Variants in ITGAD observed in about 807,000 individuals in gnomAD.
ITGAD encodes integrin alpha-D.
In ITGAD, 105 loss-of-function variants were observed where a neutral mutation model predicts 139.0. The observed-to-expected ratio is 0.76, with a 90% CI of 0.65 to 0.89. ITGAD has a LOEUF of 0.89. ITGAD is among the 40% of genes least tolerant of loss of function. The pLI, the probability that ITGAD is intolerant of heterozygous loss-of-function variation, is 0.00. For missense variants in ITGAD, 1,384 were observed against 1,487.3 expected (o/e 0.93, Z 1.14); for synonymous variants, 569 against 598.3 (o/e 0.95, Z 0.71).
At position 31,412,940 on chromosome 16, in the gene ITGAD, G is replaced by T. The variant is rs2078528824; in HGVS notation, c.1810G>T (p.Gly604Trp). Residue 604 changes from glycine (G) to tryptophan (W), a missense_variant, in exon 15 of 30, where the codon GGG (glycine) becomes TGG (tryptophan). Physicochemically the swap from Gly to Trp is radical, Grantham distance 184. Coordinates refer to ENST00000389202, the MANE Select transcript of ITGAD (RefSeq NM_005353.3). ...GGATGGACTGATGGACCTGGCCGTG[G>T]GGGCCCGGGGCCAGGTGCTCCTGCT... The part of the protein sequence containing the change: ...TQDGLMDLAV[G>W]ARGQVLLLRS... 1 of 1,610,202 alleles carries T rather than the reference G, an allele frequency of 6.2e-7. No homozygotes were observed. The highest frequency in any genetic ancestry group is 8.5e-7 in the Non-Finnish European group (1 of 1,178,252).
Position 31,400,723 on chromosome 16 carries a change from G to C in ITGAD, c.428-1392G>C, listed in dbSNP as rs542769912. On this transcript the variant is annotated intron_variant, in intron 5 of 29. Transcript: ENST00000389202. Reference sequence around the variant, plus strand: ...AGGTTCAAGTGATTCTCCTGCCTCAGCCCCCCAAATAGCTAGGATTACAGG... The same window carrying C: ...AGGTTCAAGTGATTCTCCTGCCTCACCCCCCCAAATAGCTAGGATTACAGG... Among the ~76,000 whole-genome samples the C allele has an allele frequency of 3.3e-5, 5 of 152,176 alleles. No homozygotes were observed. In the East Asian group the frequency reaches 9.7e-4, roughly 29 times the overall value.
chr16:31,413,160 G>C lies in ITGAD; in HGVS notation c.1910G>C (p.Arg637Pro), dbSNP rs372963248. The change falls in exon 16 of 30, where the codon CGG (arginine) becomes CCG (proline). Residue 637 changes from arginine to proline, a missense_variant. By Grantham distance (103) the Arg-to-Pro change is moderately radical. Coordinates refer to ENST00000389202, the MANE Select transcript of ITGAD (RefSeq NM_005353.3). ...SPVEVAKAVY[R>P]CWEEKPSALE... The stretch of plus-strand genomic sequence containing the variant: ...GTGGAGGTGGCCAAGGCTGTGTACC[G>C]GTGCTGGGAAGAGAAGCCCAGTGCC... 1.9e-6 allele frequency: 3 copies of C among 1,614,180 alleles called. No homozygotes were observed. Among genetic ancestry groups the C allele is most frequent in the Admixed American group, 1.7e-5 (1 of 60,030 alleles).
At chr16:31,416,326 C>T (rs1026242284) in intron 19 of ITGAD, 40 bp downstream of exon 19, 1 of 1,554,118 alleles carries the variant, frequency 6.4e-7, no homozygotes, top group South Asian at 1.1e-5. Flanking sequence ...ACTCAGGCTT[C>T]TGAGTCCCCC....
At position 31,407,632 on chromosome 16, in the gene ITGAD, G is replaced by C; in HGVS notation, c.822G>C (p.Gln274His). 1 of 1,614,172 alleles carries C rather than the reference G, an allele frequency of 6.2e-7. No homozygotes were observed. The highest frequency in any genetic ancestry group is 8.5e-7 in the Non-Finnish European group (1 of 1,180,030). ...TGGAATACAGTGATGTCATCCCCCA[G>C]GCAGAGAAGGCTGGCATCATCCGCT... ...DPLEYSDVIP[Q>H]AEKAGIIRYA... The change falls in exon 8 of 30, where the codon CAG becomes CAC. Residue 274 changes from glutamine (Q) to histidine (H), a missense_variant. Physicochemically the swap from Gln to His is conservative, Grantham distance 24. Coordinates refer to ENST00000389202, the MANE Select transcript of ITGAD (RefSeq NM_005353.3).
chr16:31,395,563 C>A (rs527720951), intron 2 of ITGAD, among the ~76,000 whole-genome samples: 1 of 152,126 alleles, frequency 6.6e-6, no homozygotes, highest in Non-Finnish European at 1.5e-5. Flanking sequence ...AAATAAAAAA[C>A]GTCAGGACAG....
intron 5 of ITGAD, among the ~76,000 whole-genome samples, chr16:31,398,111 T>G (rs889565070): frequency 6.6e-6 from 1 of 152,018 alleles, no homozygotes; most frequent in Non-Finnish European, 1.5e-5. Flanking sequence ...TCTTTATATT[T>G]TTTTCTTTTT....
chr16:31,404,708 C>G (rs531251169), intron 7 of ITGAD: 10 of 152,426 alleles, frequency 6.6e-5, no homozygotes, highest in Admixed American at 2.6e-4. Context: ...TTCCCAGCAG[C>G]CTTTGCTCCC....
At chr16:31,397,701 T>TGTGGGGGGGGGGGGGGGGGGGGGGG in intron 4 of ITGAD, 35 bp downstream of exon 4, 1 of 259,036 alleles carries the variant, frequency 3.9e-6, no homozygotes, top group Non-Finnish European at 6.5e-6. Context: ...GGGGGTGGGG[T>TGTGGGGGGGGGGGGGGGGGGGGGGG]GGGGCGGGGG....
At chr16:31,422,555 T>G (rs553864071) in intron 23 of ITGAD, among the ~76,000 whole-genome samples, 1 of 152,284 alleles carries the variant, frequency 6.6e-6, no homozygotes, top group African/African-American at 2.4e-5. Flanking sequence ...TAGGCTAACT[T>G]GTTCTGCTAC....
At chr16:31,396,749 A>G (rs1047148618) in intron 2 of ITGAD, among the ~76,000 whole-genome samples, 9 of 152,198 alleles carry the variant, frequency 5.9e-5, no homozygotes, top group Non-Finnish European at 1.3e-4. Flanking sequence ...GTAGTGAGAA[A>G]ACATTTCCAA....
intron 4 of ITGAD, 21 bp downstream of exon 4, chr16:31,397,687 A>ACC: frequency 5.5e-6 from 1 of 181,938 alleles, no homozygotes; most frequent in South Asian, 4.0e-5. Flanking sequence ...GTCTTGGGCC[A>ACC]CGGGGGGGTG....
In ITGAD at chr16:31,411,527, G is replaced by A. The variant is rs762662094; in HGVS notation, c.1707+10G>A. On this transcript the variant is annotated intron_variant, in intron 14 of 29. Transcript: ENST00000389202. Reference sequence around the variant, plus strand: ...CCCCTCCCACAGCCAGGTGAGGCCCGTCTTCAGCCTCTTTTAGTCCCAGCT... The same window carrying A: ...CCCCTCCCACAGCCAGGTGAGGCCCATCTTCAGCCTCTTTTAGTCCCAGCT... The A allele has an allele frequency of 1.4e-5, 22 of 1,613,594 alleles. No individual in the cohort carries two copies. Among genetic ancestry groups the A allele is most frequent in the African/African-American group, 5.3e-5 (4 of 74,920 alleles).
chr16:31,410,750 C>G lies in ITGAD; in HGVS notation c.1228C>G (p.Leu410Val), dbSNP rs142278416. The change falls in exon 12 of 30, where the codon CTA (leucine) becomes GTA (valine). Residue 410 changes from leucine to valine, a missense_variant. Physicochemically the swap from Leu to Val is conservative, Grantham distance 32 (BLOSUM62 1). Transcript: ENST00000389202. ...RDSYLGYSTELALWKGVQNLV... is the reference protein window; with the variant it reads ...RDSYLGYSTEVALWKGVQNLV... ...GGGCCCCTCAGGTTACTCCACCGAG[C>G]TAGCCCTGTGGAAGGGGGTACAGAA... 1.6e-3 allele frequency: 2,653 copies of G among 1,612,176 alleles called. 37 individuals are homozygous for G. In the African/African-American group the frequency reaches 0.032, roughly 19 times the overall value.
intron 5 of ITGAD, among the ~76,000 whole-genome samples, chr16:31,399,520 C>A (rs1232523945): frequency 6.6e-6 from 1 of 152,008 alleles, no homozygotes; most frequent in East Asian, 1.9e-4. Flanking sequence ...AGAAACATTA[C>A]CAGAGCAAAT....
At chr16:31,402,309 C>A in intron 6 of ITGAD, 64 bp downstream of exon 6, 1 of 1,302,136 alleles carries the variant, frequency 7.7e-7, no homozygotes, top group Non-Finnish European at 1.1e-6. Flanking sequence ...GGGGAGGCAT[C>A]CCGGGAGGGG....
At chr16:31,422,115 T>C (rs1333615184) in intron 23 of ITGAD, among the ~76,000 whole-genome samples, 2 of 151,718 alleles carry the variant, frequency 1.3e-5, no homozygotes, top group Admixed American at 6.6e-5. Flanking sequence ...ATTTTTTTTT[T>C]TTTTTGCAGA....
intron 7 of ITGAD, 92 bp from the exon 8 acceptor site, chr16:31,407,423 T>C (rs1597127128): frequency 8.0e-7 from 1 of 1,249,422 alleles, no homozygotes; most frequent in South Asian, 1.6e-5. Context: ...GTGCCAGGAC[T>C]CCCCAGCCTC....
In ITGAD at chr16:31,418,108, T is replaced by C. The variant is rs1209321333; in HGVS notation, c.2533T>C (p.Cys845Arg). 6.2e-7 allele frequency: 1 copy of C among 1,613,974 alleles called. No individual in the cohort carries two copies. Among genetic ancestry groups the C allele is most frequent in the Non-Finnish European group, 8.5e-7 (1 of 1,180,032 alleles). ...QPHQSALRLACETVPTEDEGL... is the reference protein window; with the variant it reads ...QPHQSALRLARETVPTEDEGL... Reference sequence around the variant, plus strand: ...CCATCAGAGTGCCCTGCGCCTGGCATGTGAGACAGTGCCCACTGAGGATGA... The same window carrying C: ...CCATCAGAGTGCCCTGCGCCTGGCACGTGAGACAGTGCCCACTGAGGATGA... The change falls in exon 21 of 30, where the codon TGT (cysteine) becomes CGT (arginine). Residue 845 changes from cysteine to arginine, a missense_variant. Transcript: ENST00000389202.
At chr16:31,419,196 CAAAA>C (rs79173110) in intron 23 of ITGAD, among the ~76,000 whole-genome samples, 1 of 81,348 alleles carries the variant, frequency 1.2e-5, no homozygotes. Context: ...CTGTCTCAAA[CAAAA>C]AAAAAAAAAA....
Sources: allele counts gnomAD v4.1 joint callset (sites outside exome capture counted in the v4.1 genomes callset), GRCh38; gene constraint gnomAD v4.1.1; transcripts MANE v1.5; gene names NCBI Gene and HGNC (gene_info 2026-07-23, HGNC 2026-07-21).